BMPER: variants seen among roughly 807,000 people sequenced by gnomAD.
BMPER encodes BMP binding endothelial regulator, also known as BMP-binding endothelial regulator protein.
Under a neutral mutation model 87.3 loss-of-function variants are expected in BMPER, and 45 were observed. That is an observed-to-expected ratio of 0.52 (90% CI 0.41 to 0.66). The LOEUF (loss-of-function observed/expected upper bound fraction) is 0.66, where lower values mean the gene tolerates loss of function less well. Ranked by LOEUF, BMPER falls within the 30% of genes least tolerant of loss-of-function variation. The pLI is 0.00. For synonymous variants in BMPER, 326 were observed against 316.2 expected (o/e 1.03, Z -0.33); for missense variants, 784 against 867.5 (o/e 0.90, Z 1.21).
chr7:34,022,994 T>C (rs956495266), intron 6 of BMPER, among the ~76,000 whole-genome samples: 1 of 152,024 alleles, frequency 6.6e-6, no homozygotes, highest in African/African-American at 2.4e-5. Context: ...GTAAAATTAA[T>C]GAAGACTATT....
chr7:34,131,139 T>G (rs1383483605), intron 13 of BMPER, among the ~76,000 whole-genome samples: 2 of 151,986 alleles, frequency 1.3e-5, no homozygotes, highest in Non-Finnish European at 2.9e-5. Flanking sequence ...GCCTGTGGTG[T>G]TTATGATTTG....
Position 33,920,418 on chromosome 7 carries a change from G to GTTTTTTTTT in BMPER, c.219+13516_219+13517insTTTTTTTTT, listed in dbSNP as rs879327540. 1.9e-4 allele frequency among the ~76,000 whole-genome samples: 19 copies of GTTTTTTTTT among 99,934 alleles called. No homozygotes were observed. In the East Asian group the frequency reaches 2.0e-3, roughly 10 times the overall value. The allele number at this position is 99,934 out of a possible 152,430, so 65.6% of individuals were successfully genotyped here. A position where few individuals can be genotyped will look rare whatever the true frequency, so the allele number is the denominator to read the frequency against. ...CTGTGCAGACCAGGGAAACTCCGTT[G>GTTTTTTTTT]TGTTTTTTTTTTTTTTTTTTTTTTT... On this transcript the variant is annotated intron_variant, in intron 2 of 14. Transcript: ENST00000649409.
intron 11 of BMPER, chr7:34,067,371 A>G (rs1045183836): frequency 6.6e-6 from 1 of 152,136 alleles, no homozygotes; most frequent in Non-Finnish European, 1.5e-5. Context: ...AGACTATAAT[A>G]ACAATTTCAT....
intron 3 of BMPER, among the ~76,000 whole-genome samples, chr7:33,958,466 A>C (rs918943159): frequency 6.6e-6 from 1 of 152,272 alleles, no homozygotes; most frequent in South Asian, 2.1e-4. Flanking sequence ...ATCAGCTCTT[A>C]CCACTCCAGC....
chr7:34,055,291 C>A lies in BMPER; in HGVS notation c.915C>A (p.Asn305Lys). 6.2e-7 allele frequency: 1 copy of A among 1,614,026 alleles called. No homozygotes were observed. The highest frequency in any genetic ancestry group is 1.7e-5 in the Admixed American group (1 of 60,020). The change falls in exon 9 of 15, where the codon AAC (asparagine) becomes AAA (lysine). Residue 305 changes from asparagine to lysine, a missense_variant. Asn to Lys is a moderately conservative substitution (Grantham distance 94). Transcript: ENST00000649409. ...PEDIKVCKFG[N>K]KIFQDGEMWS... The stretch of plus-strand genomic sequence containing the variant: ...ACATCAAAGTATGCAAATTTGGCAA[C>A]AAGATTTTCCAGGTATGTCATGAGA...
intron 8 of BMPER, among the ~76,000 whole-genome samples, chr7:34,054,268 C>T (rs993430264): frequency 3.3e-5 from 5 of 152,070 alleles, no homozygotes; most frequent in Admixed American, 1.3e-4. Flanking sequence ...ACATAAAGCA[C>T]GCTCTCTCTC....
intron 4 of BMPER, among the ~76,000 whole-genome samples, chr7:33,967,012 C>T (rs767301336): frequency 6.6e-6 from 1 of 152,108 alleles, no homozygotes; most frequent in African/African-American, 2.4e-5. Flanking sequence ...TACTGTAACT[C>T]GATGATTTCA....
At chr7:34,101,231 A>C (rs771913316) in intron 13 of BMPER, among the ~76,000 whole-genome samples, 2 of 152,120 alleles carry the variant, frequency 1.3e-5, no homozygotes, top group African/African-American at 4.8e-5. Flanking sequence ...TTTTTTTCCC[A>C]TGCTGGAGAA....
intron 6 of BMPER, among the ~76,000 whole-genome samples, chr7:34,017,375 GTGAA>G (rs1003866935): frequency 2.0e-5 from 3 of 151,782 alleles, no homozygotes; most frequent in Non-Finnish European, 4.4e-5. Context: ...ATGGTGGAAG[GTGAA>G]TGGAGGACTC....
intron 5 of BMPER, among the ~76,000 whole-genome samples, chr7:33,971,698 A>G (rs1260996647): frequency 1.3e-5 from 2 of 152,120 alleles, no homozygotes; most frequent in African/African-American, 4.8e-5. Context: ...AAAAAAATCA[A>G]TCTTGATGAT....
chr7:34,075,791 G>A lies in BMPER; in HGVS notation c.1079-3066G>A, dbSNP rs187675375. 1.3e-3 allele frequency among the ~76,000 whole-genome samples: 195 copies of A among 152,214 alleles called. 1 individual carries two copies. The highest frequency in any genetic ancestry group is 4.2e-3 in the African/African-American group (175 of 41,520). On this transcript the variant is annotated intron_variant, in intron 11 of 14. Coordinates refer to ENST00000649409, the MANE Select transcript of BMPER (RefSeq NM_001365308.1). ...TCTTTTCTGTCCCCTAAGTGTTCTC[G>A]AGCCTTTTCCTTTTGCAGCCAGGCA...
chr7:33,990,290 T>C (rs1388196110), intron 6 of BMPER, among the ~76,000 whole-genome samples: 1 of 137,238 alleles, frequency 7.3e-6, no homozygotes, highest in Non-Finnish European at 1.6e-5. Context: ...TTTTATTTCC[T>C]TGAGCAGTGG....
At chr7:34,142,009 A>G (rs1439602882) in intron 13 of BMPER, among the ~76,000 whole-genome samples, 1 of 152,216 alleles carries the variant, frequency 6.6e-6, no homozygotes, top group African/African-American at 2.4e-5. Flanking sequence ...TGGCAGTGTC[A>G]TGATCACTTT....
In BMPER at chr7:34,119,014, T is replaced by TCACACACACACACACACACACACACACA. The variant is rs138792693; in HGVS notation, c.1746-24193_1746-24192insACACACACACACACACACACACACACAC. Among the ~76,000 whole-genome samples the TCACACACACACACACACACACACACACA allele has an allele frequency of 1.8e-3, 243 of 135,742 alleles. 2 individuals are homozygous for TCACACACACACACACACACACACACACA. Among genetic ancestry groups the TCACACACACACACACACACACACACACA allele is most frequent in the East Asian group, 6.0e-3 (27 of 4,528 alleles). 89.1% of individuals were successfully genotyped at this position (135,742 alleles called of 152,430 possible). ...CTCTCACTGTCTCTCTCTCTCTCTCTCACACACACACACACACACACACGC... is the reference window on the plus strand; with the variant it reads ...CTCTCACTGTCTCTCTCTCTCTCTCTCACACACACACACACACACACACACACACACACACACACACACACACACACGC... On this transcript the variant is annotated intron_variant, in intron 13 of 14. Coordinates refer to ENST00000649409, the MANE Select transcript of BMPER (RefSeq NM_001365308.1).
intron 3 of BMPER, among the ~76,000 whole-genome samples, chr7:33,956,583 C>T (rs756925019): frequency 1.3e-5 from 2 of 152,136 alleles, no homozygotes; most frequent in Admixed American, 6.6e-5. Flanking sequence ...TCTACCTCCT[C>T]CACTTTGTCC....
In BMPER at chr7:34,086,092, G is replaced by A. The variant is rs763716277; in HGVS notation, c.1745G>A (p.Arg582Gln). 85 of 1,613,476 alleles carry A rather than the reference G, an allele frequency of 5.3e-5. No individual in the cohort carries two copies. In the Middle Eastern group the frequency reaches 1.3e-3, roughly 25 times the overall value. ...HSTVDYATFYRSCVTDMCECP... is the reference protein window; with the variant it reads ...HSTVDYATFYQSCVTDMCECP... ...ACTGTGGACTACGCCACTTTCTACC[G>A]GTAAGTACAGTGTTCTGGGGAATGG... is the stretch of plus-strand genomic sequence containing the variant. Residue 582 changes from arginine (R) to glutamine (Q), a missense_variant and splice_region_variant, in exon 13 of 15, where the codon CGG becomes CAG. Arg to Gln is a conservative substitution (Grantham distance 43, BLOSUM62 1). Transcript: ENST00000649409.
At chr7:33,932,371 A>T (rs910531105) in intron 2 of BMPER, among the ~76,000 whole-genome samples, 4 of 152,262 alleles carry the variant, frequency 2.6e-5, no homozygotes, top group African/African-American at 9.6e-5. Context: ...GCAGAAAAAA[A>T]TACCACAACC....
intron 13 of BMPER, among the ~76,000 whole-genome samples, chr7:34,087,192 C>A (rs1005338422): frequency 5.3e-5 from 8 of 152,116 alleles, no homozygotes; most frequent in African/African-American, 1.7e-4. Context: ...CATTTGGCTC[C>A]GAGTCATGGG....
At chr7:33,919,046 G>T (rs1784151049) in intron 2 of BMPER, among the ~76,000 whole-genome samples, 1 of 152,140 alleles carries the variant, frequency 6.6e-6, no homozygotes, top group African/African-American at 2.4e-5. Flanking sequence ...TTTCCTCCAT[G>T]GGTGCACGTG....
Sources: gnomAD v4.1 joint callset for allele counts (sites outside exome capture counted in the v4.1 genomes callset) on GRCh38, gnomAD v4.1.1 for gene constraint, MANE v1.5 for transcripts, NCBI Gene and HGNC (gene_info 2026-07-23, HGNC 2026-07-21) for gene names.